Variants in PLEKHA5 observed in about 807,000 individuals in gnomAD.
PLEKHA5 encodes the protein pleckstrin homology domain-containing family A member 5.
PLEKHA5 carries 55 observed loss-of-function variants against 181.9 expected under a neutral mutation model. That is an observed-to-expected ratio of 0.30 (90% CI 0.24 to 0.38). The LOEUF (loss-of-function observed/expected upper bound fraction) is 0.38. Among genes scored for constraint, PLEKHA5 ranks in the 10% least tolerant of loss-of-function variants. The pLI is 1.00. For synonymous variants in PLEKHA5, 535 were observed against 529.4 expected (o/e 1.01, Z -0.15); for missense variants, 1,432 against 1,549.5 (o/e 0.92, Z 1.27).
At chr12:19,360,604 T>C (rs1459234348) in intron 28 of PLEKHA5, among the ~76,000 whole-genome samples, 1 of 144,470 alleles carries the variant, frequency 6.9e-6, no homozygotes, top group Admixed American at 7.1e-5. Flanking sequence ...AGATTCCGTC[T>C]CAAAAAAAAG....
At chr12:19,181,095 A>G (rs2048452417) in intron 3 of PLEKHA5, among the ~76,000 whole-genome samples, 1 of 152,212 alleles carries the variant, frequency 6.6e-6, no homozygotes, top group Admixed American at 6.5e-5. Context: ...TATCAGATTA[A>G]AAAGAACTCT....
At chr12:19,315,232 C>G (rs895955910) in intron 16 of PLEKHA5, among the ~76,000 whole-genome samples, 1 of 152,080 alleles carries the variant, frequency 6.6e-6, no homozygotes, top group African/African-American at 2.4e-5. Context: ...AGCATTATAC[C>G]TATTTTTTAG....
At chr12:19,210,984 G>A (rs2056778079) in intron 3 of PLEKHA5, among the ~76,000 whole-genome samples, 1 of 152,028 alleles carries the variant, frequency 6.6e-6, no homozygotes, top group Non-Finnish European at 1.5e-5. Context: ...AGTTACTGCT[G>A]TAAATCTAGA....
intron 11 of PLEKHA5, among the ~76,000 whole-genome samples, chr12:19,281,765 G>A (rs906471460): frequency 2.3e-5 from 2 of 86,752 alleles, no homozygotes; most frequent in African/African-American, 3.2e-5. Flanking sequence ...TATCAAAGTG[G>A]TTTTTGTTGT....
chr12:19,354,220 C>T (rs1482532102), intron 26 of PLEKHA5, among the ~76,000 whole-genome samples: 13 of 120,846 alleles, frequency 1.1e-4, no homozygotes, highest in Non-Finnish European at 1.6e-4. Flanking sequence ...GGCGCGATCT[C>T]GGCTCACTGC....
chr12:19,253,844 G>A (rs370098170), intron 3 of PLEKHA5, 96 bp from the exon 4 acceptor site: 1 of 840,542 alleles, frequency 1.2e-6, no homozygotes, highest in Non-Finnish European at 2.0e-6. Flanking sequence ...AAGGCTGGAA[G>A]TTTGAATTTC....
intron 3 of PLEKHA5, chr12:19,147,214 T>C (rs144336982): frequency 6.6e-6 from 1 of 152,334 alleles, no homozygotes; most frequent in Admixed American, 6.5e-5. Context: ...CATAAGTCAA[T>C]GAGTATTTGT....
At chr12:19,340,097 T>G (rs2093738593) in intron 21 of PLEKHA5, among the ~76,000 whole-genome samples, 1 of 152,092 alleles carries the variant, frequency 6.6e-6, no homozygotes, top group Non-Finnish European at 1.5e-5. Flanking sequence ...TTACCCTCAA[T>G]GAAGGCAACA....
chr12:19,351,431 C>T (rs906030260), intron 25 of PLEKHA5, among the ~76,000 whole-genome samples: 3 of 151,984 alleles, frequency 2.0e-5, no homozygotes, highest in African/African-American at 7.2e-5. Flanking sequence ...AACTATTTGA[C>T]AAAAATAGCA....
intron 31 of PLEKHA5, chr12:19,373,605 T>A (rs1455169905): frequency 6.6e-6 from 1 of 151,856 alleles, no homozygotes; most frequent in African/African-American, 2.4e-5. Context: ...GAGGCAGTGG[T>A]TGCAGTGAGC....
intron 3 of PLEKHA5, among the ~76,000 whole-genome samples, chr12:19,191,765 G>A (rs1449949010): frequency 1.3e-5 from 2 of 152,148 alleles, no homozygotes; most frequent in African/African-American, 4.8e-5. Flanking sequence ...GTCTCTGCAA[G>A]CTTGAAAGCT....
chr12:19,302,860 T>A (rs1376370364), intron 15 of PLEKHA5, among the ~76,000 whole-genome samples: 1 of 150,814 alleles, frequency 6.6e-6, no homozygotes, highest in East Asian at 2.0e-4. Context: ...GTGGAACATT[T>A]CCATCATCAC....
rs1378150976 is a variant in PLEKHA5, at chr12:19,375,912, T to G, written c.*393T>G. On this transcript the variant is annotated 3_prime_UTR_variant, in exon 32 of 32. Transcript: ENST00000429027. ...CTTTTCATTTTCTAAAGTTAGTTAT[T>G]ATTTCCATTGAAGCTTGTTTTCTTT... The G allele has an allele frequency of 7.0e-6, 1 of 143,568 alleles. No homozygotes were observed. Among genetic ancestry groups the G allele is most frequent in the Non-Finnish European group, 1.6e-5 (1 of 63,650 alleles). The allele number at this position is 143,568 out of a possible 1,614,324, so 8.9% of individuals were successfully genotyped here.
chr12:19,305,251 G>C (rs898503350), intron 15 of PLEKHA5, among the ~76,000 whole-genome samples: 1 of 152,132 alleles, frequency 6.6e-6, no homozygotes, highest in Admixed American at 6.5e-5. Flanking sequence ...GGTTTTTGAT[G>C]ATGGGGTTTT....
At chr12:19,146,058 C>T (rs114430022) in intron 3 of PLEKHA5, among the ~76,000 whole-genome samples, 1,690 of 152,308 alleles carry the variant, frequency 0.011, 23 homozygotes, top group African/African-American at 0.033. Flanking sequence ...TTAAACTCCT[C>T]TGAGAATTAG....
intron 29 of PLEKHA5, among the ~76,000 whole-genome samples, chr12:19,362,757 C>T (rs1031404331): frequency 6.6e-5 from 10 of 151,608 alleles, no homozygotes; most frequent in African/African-American, 2.4e-4. Flanking sequence ...AAGACCCTGT[C>T]TCAAAAAAAT....
At chr12:19,341,396 C>CAT (rs952563571) in intron 21 of PLEKHA5, among the ~76,000 whole-genome samples, 10 of 152,100 alleles carry the variant, frequency 6.6e-5, no homozygotes, top group African/African-American at 9.7e-5. Flanking sequence ...TGTGTCTATA[C>CAT]ATATATATAT....
chr12:19,224,879 T>G (rs1288825963), intron 3 of PLEKHA5, among the ~76,000 whole-genome samples: 1 of 152,154 alleles, frequency 6.6e-6, no homozygotes, highest in Admixed American at 6.5e-5. Context: ...GTGTGCACCT[T>G]TAGTCTCAGC....
chr12:19,153,136 A>G (rs1027156466), intron 3 of PLEKHA5: 2 of 152,162 alleles, frequency 1.3e-5, no homozygotes, highest in Non-Finnish European at 2.9e-5. Flanking sequence ...GTAAAAATGA[A>G]GGATTCTAAT....
Sources: gnomAD v4.1 joint callset for allele counts (sites outside exome capture counted in the v4.1 genomes callset) on GRCh38, gnomAD v4.1.1 for gene constraint, MANE v1.5 for transcripts, NCBI Gene and HGNC (gene_info 2026-07-23, HGNC 2026-07-21) for gene names.